HDAC9: variants seen among roughly 807,000 people sequenced by gnomAD.
HDAC9 encodes MEF-2 interacting transcription repressor (MITR) protein.
HDAC9 carries 41 observed loss-of-function variants against 139.4 expected under a neutral mutation model. The ratio of observed to expected loss-of-function variants is 0.29; its 90% CI spans 0.23 to 0.38. The LOEUF is 0.38. Among genes scored for constraint, HDAC9 ranks in the 10% least tolerant of loss-of-function variants. The pLI, the probability that HDAC9 is intolerant of heterozygous loss-of-function variation, is 1.00. For synonymous variants in HDAC9, 517 were observed against 476.2 expected (o/e 1.09, Z -1.12); for missense variants, 1,147 against 1,297.0 (o/e 0.88, Z 1.78).
At chr7:18,970,529 A>G (rs960721230) in intron 24 of HDAC9, among the ~76,000 whole-genome samples, 1 of 152,176 alleles carries the variant, frequency 6.6e-6, no homozygotes, top group African/African-American at 2.4e-5. Context: ...TAGATGAAAA[A>G]TTACCTGGTC....
chr7:18,774,382 A>G (rs188710195), intron 16 of HDAC9, among the ~76,000 whole-genome samples: 3 of 152,166 alleles, frequency 2.0e-5, no homozygotes, highest in African/African-American at 7.2e-5. Context: ...GATATTTACT[A>G]TGGATACACA....
intron 2 of HDAC9, among the ~76,000 whole-genome samples, chr7:18,246,847 G>A (rs916457985): frequency 1.3e-5 from 2 of 152,062 alleles, no homozygotes; most frequent in Admixed American, 1.3e-4. Flanking sequence ...CAGGTGAGAG[G>A]AGATAATGGC....
At chr7:18,311,606 G>A (rs1162953443) in intron 1 of HDAC9, among the ~76,000 whole-genome samples, 4 of 152,170 alleles carry the variant, frequency 2.6e-5, no homozygotes, top group South Asian at 2.1e-4. Context: ...TGGCAAATCC[G>A]CAGTTCAAAC....
rs1554318207 is a variant in HDAC9 at position 18,168,897 on chromosome 7, T to TGTGTGTG, written c.25+6548_25+6549insGTGTGTG. ...ATGTCTTGTTTTTTTTTTTTTTTTT[T>TGTGTGTG]TGTGTGTGTGTGTGTGTGTGTGTGT... On this transcript the variant is annotated intron_variant, in intron 2 of 12. Transcript: ENST00000417496. 2.7e-3 allele frequency among the ~76,000 whole-genome samples: 257 copies of TGTGTGTG among 94,310 alleles called. 1 individual carries two copies. Among genetic ancestry groups the TGTGTGTG allele is most frequent in the African/African-American group, 0.013 (217 of 17,276 alleles). 61.9% of individuals were successfully genotyped at this position (94,310 alleles called of 152,430 possible). A position where few individuals can be genotyped will look rare whatever the true frequency, so the allele number is the denominator to read the frequency against.
chr7:18,541,372 A>G (rs758895623), intron 2 of HDAC9, among the ~76,000 whole-genome samples: 2 of 151,986 alleles, frequency 1.3e-5, no homozygotes, highest in Non-Finnish European at 2.9e-5. Context: ...TAACTTCTTG[A>G]AGAAACTCTT....
At chr7:18,938,745 A>G (rs1781827078) in intron 23 of HDAC9, among the ~76,000 whole-genome samples, 1 of 152,236 alleles carries the variant, frequency 6.6e-6, no homozygotes, top group Non-Finnish European at 1.5e-5. Flanking sequence ...TTTGAAAATC[A>G]CCAACTGGTC....
intron 1 of HDAC9, among the ~76,000 whole-genome samples, chr7:18,102,426 G>A (rs1218043906): frequency 1.3e-5 from 2 of 152,116 alleles, no homozygotes; most frequent in Non-Finnish European, 2.9e-5. Context: ...TTTTTCTTCA[G>A]CACTGTCATA....
At chr7:18,972,928 T>C (rs1018056517) in intron 24 of HDAC9, among the ~76,000 whole-genome samples, 2 of 152,202 alleles carry the variant, frequency 1.3e-5, no homozygotes, top group African/African-American at 4.8e-5. Flanking sequence ...AGATTATTTC[T>C]TTAGTAAGTA....
intron 7 of HDAC9, among the ~76,000 whole-genome samples, chr7:18,632,170 A>G (rs753427521): frequency 3.9e-5 from 6 of 152,046 alleles, no homozygotes; most frequent in Non-Finnish European, 7.4e-5. Context: ...TAAATTCTAC[A>G]TTTCCTTTGT....
At chr7:18,204,305 G>C (rs6975492) in intron 2 of HDAC9, among the ~76,000 whole-genome samples, 1 of 148,076 alleles carries the variant, frequency 6.8e-6, no homozygotes, top group Non-Finnish European at 1.5e-5. Flanking sequence ...ACAAATTATG[G>C]CACCACAAAT....
chr7:18,401,542 G>A (rs1403206960), intron 1 of HDAC9, among the ~76,000 whole-genome samples: 2 of 152,180 alleles, frequency 1.3e-5, no homozygotes, highest in Non-Finnish European at 2.9e-5. Context: ...TCATGGTGGT[G>A]ATCATGGTAT....
In HDAC9 at chr7:18,220,883, T is replaced by C. The variant is rs149903799; in HGVS notation, c.25+58534T>C. Among the ~76,000 whole-genome samples, 1,099 of 152,300 alleles carry C rather than the reference T, an allele frequency of 7.2e-3. 5 individuals are homozygous for C. Among genetic ancestry groups the C allele is most frequent in the Non-Finnish European group, 0.012 (804 of 68,022 alleles). On this transcript the variant is annotated intron_variant, in intron 2 of 12. Transcript: ENST00000417496. ...CACTGGAACCATAATTTCTCACTTA[T>C]TTCCTACTCAAGAAGCTTTTAGTAA...
intron 2 of HDAC9, among the ~76,000 whole-genome samples, chr7:18,565,051 G>A (rs1330684202): frequency 6.6e-6 from 1 of 151,654 alleles, no homozygotes. Context: ...AGGCTGGAGT[G>A]CAGTGGCACA....
At chr7:18,800,550 G>A (rs953463346) in intron 17 of HDAC9, among the ~76,000 whole-genome samples, 6 of 151,918 alleles carry the variant, frequency 3.9e-5, no homozygotes, top group Non-Finnish European at 7.4e-5. Flanking sequence ...ATTTCTTCTT[G>A]GGCAAGGGAT....
chr7:18,580,799 A>T (rs1827578235), intron 2 of HDAC9, among the ~76,000 whole-genome samples: 1 of 152,178 alleles, frequency 6.6e-6, no homozygotes, highest in Admixed American at 6.5e-5. Flanking sequence ...ATTTCTAATT[A>T]TGATAATATG....
intron 24 of HDAC9, among the ~76,000 whole-genome samples, chr7:18,961,100 C>T (rs1302146901): frequency 1.3e-5 from 2 of 151,930 alleles, no homozygotes; most frequent in South Asian, 4.1e-4. Context: ...GCCTTTTTTT[C>T]GTATGTCTCT....
In HDAC9 at chr7:18,872,942, C is replaced by A. The variant is rs193047556; in HGVS notation, c.2685-1536C>A. Among the ~76,000 whole-genome samples the A allele has an allele frequency of 2.8e-3, 424 of 152,162 alleles. 2 individuals are homozygous for A. Among genetic ancestry groups the A allele is most frequent in the African/African-American group, 9.7e-3 (401 of 41,546 alleles). On this transcript the variant is annotated intron_variant, in intron 21 of 25. Coordinates refer to ENST00000686413, the MANE Select transcript of HDAC9 (RefSeq NM_178425.4). ...TACTTACTGAATTTTGTAGAAGCAT[C>A]CATTCTCTAAAGGAGTACATAGGAT... is the stretch of plus-strand genomic sequence containing the variant.
At chr7:18,525,804 C>CT (rs1806679765) in intron 2 of HDAC9, among the ~76,000 whole-genome samples, 1 of 152,138 alleles carries the variant, frequency 6.6e-6, no homozygotes, top group South Asian at 2.1e-4. Flanking sequence ...AACTTAGATC[C>CT]TTTGGCCTTG....
At chr7:18,359,131 A>C (rs1438554581) in intron 1 of HDAC9, among the ~76,000 whole-genome samples, 1 of 152,136 alleles carries the variant, frequency 6.6e-6, no homozygotes, top group Admixed American at 6.5e-5. Flanking sequence ...TGAGACAGGC[A>C]GATTACATGA....
Sources: gnomAD v4.1 joint callset for allele counts (sites outside exome capture counted in the v4.1 genomes callset) on GRCh38, gnomAD v4.1.1 for gene constraint, MANE v1.5 for transcripts, NCBI Gene and HGNC (gene_info 2026-07-23, HGNC 2026-07-21) for gene names.